ZNF112: variants seen among roughly 807,000 people sequenced by gnomAD.
ZNF112 encodes the protein zinc finger protein 112.
In ZNF112, 37 loss-of-function variants were observed where a neutral mutation model predicts 77.7. The observed-to-expected ratio is 0.48, with a 90% CI of 0.37 to 0.63. The LOEUF is 0.63. Among genes scored for constraint, ZNF112 ranks in the 20% least tolerant of loss-of-function variants. The probability of loss-of-function intolerance (pLI) is 0.00; values close to 1 mark genes in which losing one functional copy is unlikely to be tolerated. For synonymous variants in ZNF112, 333 were observed against 363.6 expected, an observed-to-expected ratio of 0.92 and a Z score of 0.96; for missense variants, 950 against 1,077.4, an observed-to-expected ratio of 0.88 and a Z score of 1.66.
chr19:44,345,405 A>G (rs2123189574), intron 1 of ZNF112, among the ~76,000 whole-genome samples: 1 of 152,298 alleles, frequency 6.6e-6, no homozygotes, highest in African/African-American at 2.4e-5. Context: ...TGGAGCTGTC[A>G]CTAAGAGGAA....
In ZNF112 at chr19:44,343,181, G is replaced by T. The variant is rs1350309666; in HGVS notation, c.-3-2639C>A. On this transcript the variant is annotated intron_variant, in intron 1 of 3. Transcript: ENST00000354340. ...GTCATTCTTTACCCTTGGCAAAGAA[G>T]GGGGAAAAAGATATGTCCACTCACT... The T allele has an allele frequency of 4.6e-6, 7 of 1,537,050 alleles. No individual in the cohort carries two copies. The African/African-American group carries it at 9.7e-5, about 21-fold the overall frequency.
chr19:44,328,814 A>T lies in ZNF112; in HGVS notation c.1343T>A (p.Leu448Gln), dbSNP rs751676235. The change falls in exon 4 of 4, where the codon CTG becomes CAG. Residue 448 changes from leucine (L) to glutamine (Q), a missense_variant. Leu to Gln is a moderately radical substitution (Grantham distance 113). Coordinates refer to ENST00000354340, the MANE Select transcript of ZNF112 (RefSeq NM_013380.4). Reference protein sequence around the residue: ...NSEECGNGFSLASHFQDLQIV... With the variant: ...NSEECGNGFSQASHFQDLQIV... ...CTGAAGGTCCTGAAAATGTGAGGCC[A>T]GACTGAAGCCATTACCACACTCCTC... 3 of 1,613,962 alleles carry T rather than the reference A, an allele frequency of 1.9e-6. No individual in the cohort carries two copies. In the African/African-American group the frequency reaches 4.0e-5, roughly 22 times the overall value.
chr19:44,363,580 G>C (rs1205969811), intron 1 of ZNF112, among the ~76,000 whole-genome samples: 2 of 152,136 alleles, frequency 1.3e-5, no homozygotes, highest in African/African-American at 4.8e-5. Flanking sequence ...TTTGAGTATA[G>C]TGTTTTTCAG....
At chr19:44,341,042 C>A in intron 1 of ZNF112, 1 of 426,106 alleles carries the variant, frequency 2.3e-6, no homozygotes. Flanking sequence ...TCTGGGCGCT[C>A]TGCCCAATGC....
chr19:44,361,360 T>C (rs983362496), upstream of ZNF112, among the ~76,000 whole-genome samples: 1 of 152,206 alleles, frequency 6.6e-6, no homozygotes, highest in African/African-American at 2.4e-5. Flanking sequence ...TGTATATTTA[T>C]GATTCAGACA....
chr19:44,328,504 T>G lies in ZNF112; in HGVS notation c.1653A>C (p.Glu551Asp), dbSNP rs1301184976. 1.9e-6 allele frequency: 3 copies of G among 1,596,390 alleles called. No individual in the cohort carries two copies. In the South Asian group the frequency reaches 3.3e-5, roughly 18 times the overall value. Residue 551 changes from glutamate to aspartate, a missense_variant, in exon 4 of 4, where the codon GAA becomes GAC. This residue lies in a region of ZNF112 where 373 missense variants were observed against 482.8 expected (regional missense o/e 0.77). Transcript: ENST00000354340. ...AACTCCGACTGAATCCCTTATCACA[T>G]TCCTCGCATTTATAAGGTTTCTCTC... ...HTGEKPYKCE[E>D]CDKGFSRSSY...
intron 1 of ZNF112, chr19:44,343,285 C>T (rs974202692): frequency 1.2e-6 from 2 of 1,612,792 alleles, no homozygotes; most frequent in Non-Finnish European, 1.7e-6. Flanking sequence ...CTTTCTTTTT[C>T]TAGAGAAAGG....
chr19:44,340,682 C>T, intron 1 of ZNF112, 140 bp from the exon 2 acceptor site: 4 of 1,212,380 alleles, frequency 3.3e-6, no homozygotes, highest in African/African-American at 1.5e-5. Context: ...TTCTGTAATG[C>T]TAATACCATT....
rs539043193 is a variant in ZNF112, at chr19:44,362,676, G to A, written c.17+4405C>T. Among the ~76,000 whole-genome samples the A allele has an allele frequency of 3.9e-5, 6 of 152,232 alleles. No homozygotes were observed. The East Asian group carries it at 9.6e-4, about 24-fold the overall frequency. On this transcript the variant is annotated intron_variant, in intron 1 of 4. Coordinates refer to the ZNF112 transcript ENST00000588057. ...TTTACATAGAAATGCTGGATAAAAT[G>A]TGAATGTGAAAATATCATTTATTTG...
chr19:44,346,473 A>T (rs761124435), intron 1 of ZNF112, among the ~76,000 whole-genome samples: 1 of 152,206 alleles, frequency 6.6e-6, no homozygotes, highest in Non-Finnish European at 1.5e-5. Flanking sequence ...TTTGTTGCAA[A>T]GTATGTTTAT....
chr19:44,343,304 T>C (rs983729538), intron 1 of ZNF112: 3 of 1,607,938 alleles, frequency 1.9e-6, no homozygotes, highest in Middle Eastern at 1.7e-4. Context: ...GGCAGAGACC[T>C]GAGAAGGCAG....
intron 3 of ZNF112, among the ~76,000 whole-genome samples, chr19:44,332,720 T>G (rs922953327): frequency 3.9e-5 from 6 of 152,226 alleles, no homozygotes; most frequent in Non-Finnish European, 8.8e-5. Flanking sequence ...TCAATGCAAA[T>G]TAGTACATAA....
rs145214972 is a variant in ZNF112 at position 44,338,918 on chromosome 19, C to G, written c.124+1498G>C. 1.2e-3 allele frequency among the ~76,000 whole-genome samples: 175 copies of G among 152,152 alleles called. 3 individuals are homozygous for G. In the East Asian group the frequency reaches 0.029, roughly 25 times the overall value. On this transcript the variant is annotated intron_variant, in intron 2 of 3. Coordinates refer to ENST00000354340, the MANE Select transcript of ZNF112 (RefSeq NM_013380.4). The stretch of plus-strand genomic sequence containing the variant: ...TCTCTAATAAAAATATAAAAATTAG[C>G]TGGGCATGGTGGTAGTTGCCTGTAA...
At chr19:44,334,643 T>G (rs1472505716) in intron 3 of ZNF112, among the ~76,000 whole-genome samples, 2 of 152,270 alleles carry the variant, frequency 1.3e-5, no homozygotes. Context: ...CACGGCACCC[T>G]GCATTGTAGC....
rs766026773 is a variant in ZNF112, at chr19:44,340,425, G to T, written c.115C>A (p.Leu39Ile). The change falls in exon 2 of 4, where the codon CTC becomes ATC. Residue 39 changes from leucine (L) to isoleucine (I), a missense_variant. This residue lies in a region of ZNF112 where 560 missense variants were observed against 557.3 expected (regional missense o/e 1.00). Coordinates refer to ENST00000354340, the MANE Select transcript of ZNF112 (RefSeq NM_013380.4). ...DVMLENFRNLLLVAHQPFKPD... is the reference protein window; with the variant it reads ...DVMLENFRNLILVAHQPFKPD... Reference sequence around the variant, plus strand: ...GGGCACCTATCCTCACCTACTAAGAGCAGGTTCCTGAAGTTCTCCAGCATC... The same window carrying T: ...GGGCACCTATCCTCACCTACTAAGATCAGGTTCCTGAAGTTCTCCAGCATC... 6.2e-7 allele frequency: 1 copy of T among 1,613,830 alleles called. No homozygotes were observed. Among genetic ancestry groups the T allele is most frequent in the South Asian group, 1.1e-5 (1 of 91,076 alleles).
intron 2 of ZNF112, among the ~76,000 whole-genome samples, chr19:44,340,099 G>GT (rs61356571): frequency 1.3e-5 from 2 of 151,642 alleles, no homozygotes; most frequent in Admixed American, 6.6e-5. Flanking sequence ...CAAATATAAT[G>GT]TTTTTTTAAA....
chr19:44,326,969 T>C lies in ZNF112; in HGVS notation c.*464A>G, dbSNP rs1228970400. 1.3e-5 allele frequency: 2 copies of C among 154,700 alleles called. No individual in the cohort carries two copies. The highest frequency in any genetic ancestry group is 2.9e-5 in the Non-Finnish European group (2 of 69,598). 9.6% of individuals were successfully genotyped at this position (154,700 alleles called of 1,614,324 possible). On this transcript the variant is annotated 3_prime_UTR_variant, in exon 4 of 4. Transcript: ENST00000354340. ...CTTGAAATGATTTTATTAAGATTAC[T>C]TGCAGGATTTCTCCTCCAAATACAT...
chr19:44,366,216 T>G (rs1970902908), intron 1 of ZNF112, among the ~76,000 whole-genome samples: 2 of 152,192 alleles, frequency 1.3e-5, no homozygotes, highest in African/African-American at 4.8e-5. Flanking sequence ...ATTTTTTTCT[T>G]TTTTAAAAAA....
At chr19:44,359,356 CTCTG>C (rs1970832101), upstream of ZNF112, among the ~76,000 whole-genome samples, 3 of 114,658 alleles carry the variant, frequency 2.6e-5, no homozygotes. Context: ...GAGAGTCTCG[CTCTG>C]TTCCCCGGGC....
Sources: gnomAD v4.1 joint callset for allele counts (sites outside exome capture counted in the v4.1 genomes callset) on GRCh38, gnomAD v4.1.1 for gene constraint, gnomAD v4.1.1 regional missense constraint, MANE v1.5 for transcripts, NCBI Gene and HGNC (gene_info 2026-07-23, HGNC 2026-07-21) for gene names.